CCDC148: variants seen among roughly 807,000 people sequenced by gnomAD.
The protein encoded by CCDC148 is coiled-coil domain-containing protein 148.
CCDC148 carries 89 observed loss-of-function variants against 85.7 expected under a neutral mutation model. The ratio of observed to expected loss-of-function variants is 1.04; its 90% CI spans 0.87 to 1.24. CCDC148 has a LOEUF of 1.24. Ranked by LOEUF, CCDC148 falls within the 50% of genes most tolerant of loss-of-function variation. CCDC148 has a pLI of 0.00. For synonymous variants in CCDC148, 230 were observed against 213.9 expected (o/e 1.08, Z -0.66); for missense variants, 692 against 671.7 (o/e 1.03, Z -0.33).
intron 10 of CCDC148, among the ~76,000 whole-genome samples, chr2:158,244,373 G>C (rs1241039554): frequency 6.6e-6 from 1 of 152,094 alleles, no homozygotes; most frequent in African/African-American, 2.4e-5. Flanking sequence ...GTGTGGTTGG[G>C]CTCTCTGCTT....
chr2:158,337,327 C>A (rs973953212), intron 7 of CCDC148, among the ~76,000 whole-genome samples: 15 of 152,126 alleles, frequency 9.9e-5, no homozygotes, highest in Non-Finnish European at 1.9e-4. Context: ...TTACCCTCTT[C>A]ACAGCTACAG....
At chr2:158,202,881 G>A (rs994979586) in intron 11 of CCDC148, among the ~76,000 whole-genome samples, 3 of 152,178 alleles carry the variant, frequency 2.0e-5, no homozygotes, top group African/African-American at 4.8e-5. Flanking sequence ...TTGAATCTTT[G>A]TGTTGGCTGC....
intron 10 of CCDC148, among the ~76,000 whole-genome samples, chr2:158,249,841 T>C (rs528860730): frequency 6.6e-6 from 1 of 152,246 alleles, no homozygotes; most frequent in African/African-American, 2.4e-5. Flanking sequence ...AATGAAAAGT[T>C]TGTCCACCAA....
In CCDC148 at chr2:158,176,679, T is replaced by A. The variant is rs761955753; in HGVS notation, c.1489-18A>T. On this transcript the variant is annotated intron_variant, in intron 12 of 13. Transcript: ENST00000283233. ...ACAGCAACCTAAAAATGAGAAAGCA[T>A]GGCTACTTGGAACAAGGTACAAACT... is the stretch of plus-strand genomic sequence containing the variant. 3 of 1,610,858 alleles carry A rather than the reference T, an allele frequency of 1.9e-6. No individual in the cohort carries two copies. The highest frequency in any genetic ancestry group is 2.2e-5 in the South Asian group (2 of 90,902).
intron 10 of CCDC148, among the ~76,000 whole-genome samples, chr2:158,245,729 T>C (rs891603872): frequency 1.6e-4 from 24 of 152,182 alleles, no homozygotes; most frequent in Non-Finnish European, 4.4e-5. Context: ...GAAAGGGTGG[T>C]ATGGGAACCA....
At chr2:158,420,912 CA>C (rs901929477) in intron 1 of CCDC148, among the ~76,000 whole-genome samples, 43 of 141,516 alleles carry the variant, frequency 3.0e-4, no homozygotes, top group African/African-American at 6.2e-4. Flanking sequence ...AAATAGAAAA[CA>C]AAAAAAAAAG....
intron 9 of CCDC148, among the ~76,000 whole-genome samples, chr2:158,281,566 G>A (rs1265478618): frequency 6.6e-6 from 1 of 152,086 alleles, no homozygotes; most frequent in African/African-American, 2.4e-5. Context: ...ACTCTCCCAA[G>A]ACTAAACCAG....
At chr2:158,421,536 C>A (rs541710456) in intron 1 of CCDC148, among the ~76,000 whole-genome samples, 72 of 152,206 alleles carry the variant, frequency 4.7e-4, no homozygotes, top group African/African-American at 1.7e-3. Context: ...TTCTTTGAAA[C>A]CAATGAGAAC....
chr2:158,287,666 T>A (rs1216869868), intron 9 of CCDC148, among the ~76,000 whole-genome samples: 5 of 152,198 alleles, frequency 3.3e-5, no homozygotes, highest in African/African-American at 9.6e-5. Context: ...TCTGCCCCTA[T>A]GGCTTTGCAA....
At chr2:158,353,032 A>AT (rs1574674969) in intron 2 of CCDC148, among the ~76,000 whole-genome samples, 2 of 151,640 alleles carry the variant, frequency 1.3e-5, no homozygotes, top group African/African-American at 4.9e-5. Context: ...ATGCTGAGAG[A>AT]TTTTGTCACC....
chr2:158,177,830 A>T (rs765522436), intron 12 of CCDC148, among the ~76,000 whole-genome samples: 4 of 152,134 alleles, frequency 2.6e-5, no homozygotes, highest in Non-Finnish European at 5.9e-5. Context: ...TTGAATCAGT[A>T]TAACATTTAC....
chr2:158,219,020 C>G (rs115796191), intron 11 of CCDC148, among the ~76,000 whole-genome samples: 3,378 of 152,238 alleles, frequency 0.022, 49 homozygotes, highest in East Asian at 0.068. Flanking sequence ...ACATGGGTCA[C>G]AAAGGAAGCT....
chr2:158,220,640 TC>T lies in CCDC148; in HGVS notation c.1324del (p.Glu442AsnfsTer2), dbSNP rs752024907. 136 of 1,599,636 alleles carry T rather than the reference TC, an allele frequency of 8.5e-5. No individual in the cohort carries two copies. Among genetic ancestry groups the T allele is most frequent in the Non-Finnish European group, 1.1e-4 (132 of 1,176,880 alleles). On this transcript the variant is annotated frameshift_variant, in exon 11 of 14. Coordinates refer to ENST00000283233, the MANE Select transcript of CCDC148 (RefSeq NM_138803.4). LOFTEE classifies it high-confidence loss of function. ...MEMRDLQRLEELKKLIAEQSL... is the reference protein window; with the variant it reads ...MEMRDLQRLEXLKKLIAEQSL... ...CTGTTCAGCGATTAATTTCTTCAGT[TC>T]TTCTAGACGCTGAAGATCTCTCATT...
chr2:158,226,811 T>C (rs1687562832), intron 10 of CCDC148, among the ~76,000 whole-genome samples: 1 of 152,050 alleles, frequency 6.6e-6, no homozygotes, highest in Non-Finnish European at 1.5e-5. Flanking sequence ...TATCTCAAAA[T>C]AATAAGAGCT....
At chr2:158,423,616 G>GA (rs1347957648) in intron 1 of CCDC148, among the ~76,000 whole-genome samples, 1 of 152,006 alleles carries the variant, frequency 6.6e-6, no homozygotes, top group African/African-American at 2.4e-5. Flanking sequence ...AAAAACCTTA[G>GA]AAAAAAACCT....
At chr2:158,364,976 C>A (rs1464996880) in intron 1 of CCDC148, among the ~76,000 whole-genome samples, 2 of 151,916 alleles carry the variant, frequency 1.3e-5, no homozygotes, top group African/African-American at 2.4e-5. Context: ...GAAAAAACAA[C>A]CCCATCAAAA....
Position 158,286,028 on chromosome 2 carries a change from T to C in CCDC148, c.1110+23405A>G, listed in dbSNP as rs1419816668. Among the ~76,000 whole-genome samples, 6 of 152,282 alleles carry C rather than the reference T, an allele frequency of 3.9e-5. No homozygotes were observed. The South Asian group carries it at 6.2e-4, about 16-fold the overall frequency. On this transcript the variant is annotated intron_variant, in intron 9 of 13. Transcript: ENST00000283233. Reference sequence around the variant, plus strand: ...GTCATTCATAGGTGGCAATATCCTATACATGGACAACCTAACATAATGTAC... The same window carrying C: ...GTCATTCATAGGTGGCAATATCCTACACATGGACAACCTAACATAATGTAC...
At chr2:158,275,991 CAA>C (rs71404401) in intron 9 of CCDC148, among the ~76,000 whole-genome samples, 1 of 143,384 alleles carries the variant, frequency 7.0e-6, no homozygotes. Context: ...TCTAATTTAT[CAA>C]AAAAAAAAAG....
At chr2:158,248,539 C>T (rs1283287827) in intron 10 of CCDC148, among the ~76,000 whole-genome samples, 1 of 152,084 alleles carries the variant, frequency 6.6e-6, no homozygotes, top group Non-Finnish European at 1.5e-5. Context: ...GTCCTCTATA[C>T]TCTATATAAA....
Sources: allele counts gnomAD v4.1 joint callset (sites outside exome capture counted in the v4.1 genomes callset), GRCh38; gene constraint gnomAD v4.1.1; transcripts MANE v1.5; gene names NCBI Gene and HGNC (gene_info 2026-07-23, HGNC 2026-07-21).